AP3D1: variants seen among roughly 807,000 people sequenced by gnomAD.
The protein encoded by AP3D1 is AP-3 complex subunit delta-1.
Under a neutral mutation model 147.6 loss-of-function variants are expected in AP3D1, and 51 were observed. That is an observed-to-expected ratio of 0.35 (90% CI 0.28 to 0.44). The LOEUF (loss-of-function observed/expected upper bound fraction) is 0.44. AP3D1 is among the 20% of genes least tolerant of loss of function. The pLI, the probability that AP3D1 is intolerant of heterozygous loss-of-function variation, is 1.00. For synonymous variants in AP3D1, 760 were observed against 663.0 expected (o/e 1.15, Z -2.25); for missense variants, 1,421 against 1,624.2 (o/e 0.87, Z 2.15).
At chr19:2,106,749 G>A (rs1405102455) in intron 31 of AP3D1, among the ~76,000 whole-genome samples, 1 of 152,126 alleles carries the variant, frequency 6.6e-6, no homozygotes, top group African/African-American at 2.4e-5. Context: ...GACAGAGGCT[G>A]CGATGTGGAT....
At chr19:2,113,724 G>C (rs2018354135) in intron 22 of AP3D1, among the ~76,000 whole-genome samples, 6 of 152,230 alleles carry the variant, frequency 3.9e-5, no homozygotes. Context: ...CGTGGGTGTG[G>C]ACAGGCTCCC....
chr19:2,135,946 C>T (rs2019064463), intron 4 of AP3D1, among the ~76,000 whole-genome samples: 2 of 151,872 alleles, frequency 1.3e-5, no homozygotes, highest in Non-Finnish European at 2.9e-5. Flanking sequence ...GCCAGACTCC[C>T]GCCCAGGCCC....
At position 2,130,556 on chromosome 19, in the gene AP3D1, C is replaced by T; in HGVS notation, c.463-19G>A. ...GTGACATCTGCGGGGCAGCGGGCTT[C>T]AGCCTGCGCGGGCTTTCTGCGCCTC... On this transcript the variant is annotated intron_variant, in intron 5 of 31. Transcript: ENST00000643116. The T allele has an allele frequency of 6.2e-7, 1 of 1,613,062 alleles. No homozygotes were observed. Among genetic ancestry groups the T allele is most frequent in the African/African-American group, 1.3e-5 (1 of 75,044 alleles).
At chr19:2,153,295 G>C (rs1372627502), upstream of AP3D1, among the ~76,000 whole-genome samples, 1 of 149,548 alleles carries the variant, frequency 6.7e-6, no homozygotes, top group Non-Finnish European at 1.5e-5. Context: ...AATGACATGA[G>C]TCCAGGAGGC....
chr19:2,140,027 G>A (rs2019178635), intron 1 of AP3D1, among the ~76,000 whole-genome samples: 1 of 152,024 alleles, frequency 6.6e-6, no homozygotes, highest in African/African-American at 2.4e-5. Flanking sequence ...ATCCAACTTT[G>A]TACAATGGAA....
chr19:2,118,670 G>A lies in AP3D1; in HGVS notation c.1644C>T (p.Ala548=), dbSNP rs776887277. The A allele has an allele frequency of 8.1e-6, 13 of 1,613,030 alleles. No homozygotes were observed. Among genetic ancestry groups the A allele is most frequent in the Middle Eastern group, 1.6e-4 (1 of 6,062 alleles). ...GCCGGTCCACCATGAGCTGGGTGAC[G>A]GCCTGAGCGCCCTCTGCCTCCCCGG... ...EQAGEAEGAQ[A]VTQLMVDRLP... The change falls in exon 15 of 32, where the codon GCC becomes GCT. Residue 548 remains alanine (A), a synonymous_variant. Coordinates refer to ENST00000643116, the MANE Select transcript of AP3D1 (RefSeq NM_001261826.3).
intron 26 of AP3D1, 121 bp downstream of exon 26, chr19:2,111,164 G>GA (rs1048479478): frequency 3.1e-6 from 4 of 1,299,066 alleles, no homozygotes; most frequent in Non-Finnish European, 4.3e-6. Context: ...CCCCTGCCAG[G>GA]AATCACAGGC....
rs562038834 is a variant in AP3D1 at position 2,120,257 on chromosome 19, G to A, written c.1481+605C>T. Among the ~76,000 whole-genome samples, 32 of 152,304 alleles carry A rather than the reference G, an allele frequency of 2.1e-4. No homozygotes were observed. The South Asian group carries it at 6.2e-3, about 30-fold the overall frequency. ...CACCTCCAGGCAGGCCCGGTGACCC[G>A]AGCCTGCCCAGCAGTGGCTGTGATC... On this transcript the variant is annotated intron_variant, in intron 14 of 31. Coordinates refer to ENST00000643116, the MANE Select transcript of AP3D1 (RefSeq NM_001261826.3).
intron 4 of AP3D1, 22 bp from the exon 5 acceptor site, chr19:2,132,600 C>T: frequency 1.9e-6 from 3 of 1,589,238 alleles, no homozygotes; most frequent in Non-Finnish European, 2.6e-6. Flanking sequence ...GAGAAAGGGG[C>T]CGTGGCCAGG....
At chr19:2,112,168 A>C in intron 24 of AP3D1, 1 of 358,304 alleles carries the variant, frequency 2.8e-6, no homozygotes, top group East Asian at 6.1e-5. Flanking sequence ...ACACACATCC[A>C]CGCGCACTGC....
At position 2,119,153 on chromosome 19, in the gene AP3D1, C is replaced by T. The variant is rs564404452; in HGVS notation, c.1482-321G>A. Among the ~76,000 whole-genome samples, 12 of 152,298 alleles carry T rather than the reference C, an allele frequency of 7.9e-5. No homozygotes were observed. The East Asian group carries it at 1.7e-3, about 22-fold the overall frequency. Reference sequence around the variant, plus strand: ...AGGATGGGCAGGGAACAGACGGAACCGGGAGACCCTGATCTGTGGGACAGT... The same window carrying T: ...AGGATGGGCAGGGAACAGACGGAACTGGGAGACCCTGATCTGTGGGACAGT... On this transcript the variant is annotated intron_variant, in intron 14 of 31. Coordinates refer to ENST00000643116, the MANE Select transcript of AP3D1 (RefSeq NM_001261826.3).
intron 26 of AP3D1, 154 bp downstream of exon 26, chr19:2,111,131 C>T: frequency 9.5e-7 from 1 of 1,053,476 alleles, no homozygotes; most frequent in Non-Finnish European, 1.4e-6. Flanking sequence ...TTACCCCAAG[C>T]CAGAGGTGCT....
In AP3D1 at chr19:2,120,956, G is replaced by A; in HGVS notation, c.1387C>T (p.Leu463Phe). The A allele has an allele frequency of 6.2e-7, 1 of 1,612,144 alleles. No individual in the cohort carries two copies. Among genetic ancestry groups the A allele is most frequent in the Non-Finnish European group, 8.5e-7 (1 of 1,180,016 alleles). ...CTGGCCAGCAGGTGTGCACTGTCAAGCAGCGCAGACATCTGGGACACGGCG... is the reference window on the plus strand; with the variant it reads ...CTGGCCAGCAGGTGTGCACTGTCAAACAGCGCAGACATCTGGGACACGGCG... ...KFAVSQMSAL[L>F]DSAHLLASST... The change falls in exon 14 of 32, where the codon CTT (leucine) becomes TTT (phenylalanine). Residue 463 changes from leucine (L) to phenylalanine (F), a missense_variant. Transcript: ENST00000643116.
At chr19:2,121,481 G>GCACACGACCCCAGC (rs2018610018) in intron 12 of AP3D1, among the ~76,000 whole-genome samples, 170 bp from the exon 13 acceptor site, 1 of 152,182 alleles carries the variant, frequency 6.6e-6, no homozygotes, top group African/African-American at 2.4e-5. Context: ...TGGGTTAGAG[G>GCACACGACCCCAGC]CACACGACCC....
intron 11 of AP3D1, among the ~76,000 whole-genome samples, chr19:2,122,849 T>A (rs1380387041): frequency 6.6e-6 from 1 of 152,142 alleles, no homozygotes; most frequent in Non-Finnish European, 1.5e-5. Flanking sequence ...AAAATGAGCA[T>A]CCAAAACACC....
Position 2,161,864 on chromosome 19 carries a change from G to A in AP3D1, c.-103+2492C>T, listed in dbSNP as rs543460035. Among the ~76,000 whole-genome samples the A allele has an allele frequency of 9.2e-5, 14 of 151,780 alleles. 1 individual carries two copies. The highest frequency in any genetic ancestry group is 6.3e-4 in the South Asian group (3 of 4,792). On this transcript the variant is annotated intron_variant, in intron 1 of 14. Coordinates refer to the AP3D1 transcript ENST00000643010. ...CTTGGGAGGCTGAGGCGGGAGAATC[G>A]CTGGAACCTAGGAGGCGCTGGTTGT...
Position 2,130,669 on chromosome 19 carries a change from G to A in AP3D1, c.463-132C>T, listed in dbSNP as rs145981551. On this transcript the variant is annotated intron_variant, in intron 5 of 31. Coordinates refer to ENST00000643116, the MANE Select transcript of AP3D1 (RefSeq NM_001261826.3). ...GCTGTGGCTGCACACCAGTCCCAGG[G>A]GCCACAGACCAGCATCTTGGATGGC... The A allele has an allele frequency of 5.4e-4, 743 of 1,388,632 alleles. 9 individuals carry two copies. In the East Asian group the frequency reaches 0.016, roughly 29 times the overall value. The allele number at this position is 1,388,632 out of a possible 1,614,324, so 86.0% of individuals were successfully genotyped here. A position where few individuals can be genotyped will look rare whatever the true frequency, so the allele number is the denominator to read the frequency against.
intron 22 of AP3D1, 142 bp downstream of exon 22, chr19:2,113,983 G>T: frequency 2.1e-6 from 3 of 1,407,844 alleles, no homozygotes; most frequent in Non-Finnish European, 2.8e-6. Flanking sequence ...TCCTCACTCC[G>T]CCGGGGCACA....
intron 26 of AP3D1, 76 bp from the exon 27 acceptor site, chr19:2,110,972 G>A: frequency 6.7e-7 from 1 of 1,482,272 alleles, no homozygotes; most frequent in Non-Finnish European, 9.2e-7. Flanking sequence ...GTCTCTTAAT[G>A]ACCACAGAGG....
Sources: gnomAD v4.1 joint callset for allele counts (sites outside exome capture counted in the v4.1 genomes callset) on GRCh38, gnomAD v4.1.1 for gene constraint, MANE v1.5 for transcripts, NCBI Gene and HGNC (gene_info 2026-07-23, HGNC 2026-07-21) for gene names.